The following HIVEP2 variants were observed in gnomAD, a reference collection of about 807,000 sequenced individuals.
The protein encoded by HIVEP2 is HIVEP zinc finger 2, also known as transcription factor HIVEP2.
A neutral mutation model predicts 180.7 loss-of-function variants in HIVEP2; 14 were observed. The ratio of observed to expected loss-of-function variants is 0.08; its 90% CI spans 0.05 to 0.12. HIVEP2 has a LOEUF of 0.12. Among genes scored for constraint, HIVEP2 ranks in the 10% least tolerant of loss-of-function variants. The pLI is 1.00. For missense variants in HIVEP2, 2,579 were observed against 3,008.5 expected (o/e 0.86, Z 3.34); for synonymous variants, 1,184 against 1,136.4 (o/e 1.04, Z -0.84).
Position 142,771,514 on chromosome 6 carries a change from C to A in HIVEP2, c.3225G>T (p.Arg1075Ser), listed in dbSNP as rs371740647. The A allele has an allele frequency of 8.1e-6, 13 of 1,613,816 alleles. No homozygotes were observed. Among genetic ancestry groups the A allele is most frequent in the Non-Finnish European group, 1.1e-5 (13 of 1,180,038 alleles). ...AASTVSPSRERKKCFLVRQAS... is the reference protein window; with the variant it reads ...AASTVSPSRESKKCFLVRQAS... ...CTTGCCGCACCAGAAAGCATTTCTTCCTCTCCCTGGACGGTGATACCGTGG... is the reference window on the plus strand; with the variant it reads ...CTTGCCGCACCAGAAAGCATTTCTTACTCTCCCTGGACGGTGATACCGTGG... The change falls in exon 5 of 10, where the codon AGG (arginine) becomes AGT (serine). Residue 1075 changes from arginine (R) to serine (S), a missense_variant. Coordinates refer to ENST00000367603, the MANE Select transcript of HIVEP2 (RefSeq NM_006734.4). The surrounding 1 kb of genome is among the most constrained non-coding windows in gnomAD (Gnocchi z 5.4).
At chr6:142,879,966 G>C (rs1470556000) in intron 1 of HIVEP2, among the ~76,000 whole-genome samples, 2 of 152,128 alleles carry the variant, frequency 1.3e-5, no homozygotes, top group African/African-American at 2.4e-5. Flanking sequence ...ACAGGGACTA[G>C]CATAGAACCT....
At chr6:142,795,347 T>A (rs937998278) in intron 2 of HIVEP2, among the ~76,000 whole-genome samples, 2 of 151,802 alleles carry the variant, frequency 1.3e-5, no homozygotes, top group Non-Finnish European at 1.5e-5. Context: ...AGGGAAAAAA[T>A]TTGCTTAAGA....
At position 142,768,453 on chromosome 6, in the gene HIVEP2, T is replaced by A. The variant is rs1775429177; in HGVS notation, c.5271A>T (p.Gly1757=). The part of the protein sequence containing the change: ...VGNILKERGK[G]DIHGDKDIGS... ...CAATATCTTTATCTCCATGAATATC[T>A]CCTTTCCCTCTTTCCTTTAAGATAT... is the stretch of plus-strand genomic sequence containing the variant. Residue 1757 remains glycine (G), a synonymous_variant, in exon 6 of 10, where the codon GGA becomes GGT. Transcript: ENST00000367603. 1 of 1,613,182 alleles carries A rather than the reference T, an allele frequency of 6.2e-7. No individual in the cohort carries two copies. Among genetic ancestry groups the A allele is most frequent in the Non-Finnish European group, 8.5e-7 (1 of 1,179,464 alleles).
At chr6:142,886,988 A>G (rs759813813) in intron 1 of HIVEP2, among the ~76,000 whole-genome samples, 17 of 152,188 alleles carry the variant, frequency 1.1e-4, no homozygotes, top group Non-Finnish European at 2.2e-4. Flanking sequence ...TCCTGTGCAT[A>G]TGTGTCAACA....
intron 1 of HIVEP2, among the ~76,000 whole-genome samples, chr6:142,885,129 T>C (rs1049464272): frequency 1.4e-4 from 21 of 152,118 alleles, no homozygotes; most frequent in African/African-American, 5.1e-4. Flanking sequence ...TCTTAACTAA[T>C]TGAAGAAAAC....
intron 2 of HIVEP2, among the ~76,000 whole-genome samples, chr6:142,828,907 C>T (rs896820660): frequency 6.6e-6 from 1 of 152,174 alleles, no homozygotes; most frequent in Admixed American, 6.5e-5. Flanking sequence ...CTGTTTCCCA[C>T]CTTTCATAGC....
At chr6:142,793,656 CTTTTTTCTT>C (rs1398789132) in intron 2 of HIVEP2, among the ~76,000 whole-genome samples, 3 of 77,334 alleles carry the variant, frequency 3.9e-5, no homozygotes, top group African/African-American at 1.3e-4. Context: ...TTCTTTCTTT[CTTTTTTCTT>C]TCTTTCTTTC....
At position 142,774,493 on chromosome 6, in the gene HIVEP2, C is replaced by A. The variant is rs569113955; in HGVS notation, c.246G>T (p.Lys82Asn). 9.3e-6 allele frequency: 15 copies of A among 1,614,028 alleles called. No homozygotes were observed. The Admixed American group carries it at 2.0e-4, about 22-fold the overall frequency. ...PSEVVQQVAE[K>N]QYPPHRPSPY... Reference sequence around the variant, plus strand: ...GACTCGGACGATGCGGTGGATATTGCTTCTCTGCGACTTGCTGCACCACTT... The same window carrying A: ...GACTCGGACGATGCGGTGGATATTGATTCTCTGCGACTTGCTGCACCACTT... Residue 82 changes from lysine (K) to asparagine (N), a missense_variant, in exon 5 of 10, where the codon AAG becomes AAT. By Grantham distance (94) the Lys-to-Asn change is moderately conservative. This residue lies in a region of HIVEP2 where 207 missense variants were observed against 210.1 expected (regional missense o/e 0.99). Transcript: ENST00000367603. This position sits in a 1 kb window ranked among gnomAD's most constrained non-coding sequence, Gnocchi z 5.1.
chr6:142,849,920 G>A (rs1013664339), intron 1 of HIVEP2, among the ~76,000 whole-genome samples: 1 of 152,178 alleles, frequency 6.6e-6, no homozygotes, highest in Non-Finnish European at 1.5e-5. Flanking sequence ...CAAAGGGGCT[G>A]AGAACAGAGA....
At position 142,753,936 on chromosome 6, in the gene HIVEP2, G is replaced by C; in HGVS notation, c.6517-5C>G. The C allele has an allele frequency of 6.6e-7, 1 of 1,517,796 alleles. No individual in the cohort carries two copies. Among genetic ancestry groups the C allele is most frequent in the Non-Finnish European group, 9.0e-7 (1 of 1,109,630 alleles). The allele number at this position is 1,517,796 out of a possible 1,614,324, so 94.0% of individuals were successfully genotyped here. ...AGGTAATCCTCTTCTTAAATTCTGC[G>C]CAGAGAAACAAAGAGAGCACAAAAT... On this transcript the variant is annotated splice_polypyrimidine_tract_variant and splice_region_variant and intron_variant, in intron 9 of 9. Transcript: ENST00000367603.
intron 6 of HIVEP2, among the ~76,000 whole-genome samples, chr6:142,766,023 G>A (rs1186415023): frequency 1.3e-5 from 2 of 152,146 alleles, no homozygotes; most frequent in Non-Finnish European, 2.9e-5. Flanking sequence ...ATCCACTGTG[G>A]ATTTAGTTAA....
chr6:142,917,496 T>C (rs1222927795), intron 1 of HIVEP2, among the ~76,000 whole-genome samples: 1 of 152,204 alleles, frequency 6.6e-6, no homozygotes, highest in Non-Finnish European at 1.5e-5. Flanking sequence ...CAAATTTTAT[T>C]CTCATTAACA....
chr6:142,818,233 C>T (rs868217830), intron 2 of HIVEP2, among the ~76,000 whole-genome samples: 8 of 152,026 alleles, frequency 5.3e-5, no homozygotes, highest in Admixed American at 1.3e-4. Flanking sequence ...TGTACAAGCT[C>T]CCTTCTAAAG....
chr6:142,796,094 A>G (rs766098095), intron 2 of HIVEP2, among the ~76,000 whole-genome samples: 7 of 152,136 alleles, frequency 4.6e-5, no homozygotes, highest in Non-Finnish European at 7.3e-5. Context: ...TGTCATTGAT[A>G]CTAATGAACA....
chr6:142,843,036 G>A (rs1260187383), intron 1 of HIVEP2, among the ~76,000 whole-genome samples: 5 of 152,186 alleles, frequency 3.3e-5, no homozygotes, highest in Non-Finnish European at 7.3e-5. Context: ...CGAAGGGAAA[G>A]CTGAATGTCT....
chr6:142,773,135 A>G lies in HIVEP2; in HGVS notation c.1604T>C (p.Val535Ala), dbSNP rs754666577. The G allele has an allele frequency of 6.2e-7, 1 of 1,614,240 alleles. No homozygotes were observed. Among genetic ancestry groups the G allele is most frequent in the Non-Finnish European group, 8.5e-7 (1 of 1,180,024 alleles). ...GSNPVLLEAP[V>A]DSSPLIRSNS... ...GCTTCTAATAAGGGGTGAAGAGTCT[A>G]CAGGAGCTTCTAAGAGAACCGGGTT... is the stretch of plus-strand genomic sequence containing the variant. Residue 535 changes from valine (V) to alanine (A), a missense_variant, in exon 5 of 10, where the codon GTA becomes GCA. Around this residue, in one of 11 missense-constraint regions of HIVEP2, gnomAD observed 524 missense variants for 563.6 expected, o/e 0.93. Transcript: ENST00000367603.
intron 2 of HIVEP2, among the ~76,000 whole-genome samples, chr6:142,822,557 A>G (rs1384849305): frequency 1.3e-5 from 2 of 152,258 alleles, no homozygotes; most frequent in African/African-American, 4.8e-5. Context: ...TGAATAATGA[A>G]GGAAGTGCTA....
At position 142,897,920 on chromosome 6, in the gene HIVEP2, T is replaced by A. The variant is rs1777039411; in HGVS notation, c.-641+47179A>T. The stretch of plus-strand genomic sequence containing the variant: ...CTAAGATCCTGAGGCCAGGGACTAA[T>A]CCTTGTCTATCTCGGCTTCCCTACT... On this transcript the variant is annotated intron_variant, in intron 1 of 9. Coordinates refer to ENST00000367603, the MANE Select transcript of HIVEP2 (RefSeq NM_006734.4). 2.0e-5 allele frequency among the ~76,000 whole-genome samples: 3 copies of A among 152,206 alleles called. 1 individual carries two copies. In the South Asian group the frequency reaches 6.2e-4, roughly 32 times the overall value.
intron 7 of HIVEP2, 44 bp from the exon 8 acceptor site, chr6:142,761,609 A>C: frequency 2.8e-6 from 3 of 1,054,892 alleles, no homozygotes; most frequent in Non-Finnish European, 4.4e-6. Flanking sequence ...ATTGGTTATC[A>C]AATTAATAAC....
Sources: allele counts gnomAD v4.1 joint callset (sites outside exome capture counted in the v4.1 genomes callset), GRCh38; gene constraint gnomAD v4.1.1; regional missense constraint gnomAD v4.1.1; non-coding constraint Gnocchi (gnomAD v3.1); transcripts MANE v1.5; gene names NCBI Gene and HGNC (gene_info 2026-07-23, HGNC 2026-07-21).